The following PRKAG2 variants were observed in gnomAD, a reference collection of about 807,000 sequenced individuals.
PRKAG2 encodes the protein protein kinase AMP-activated non-catalytic subunit gamma 2, also known as 5'-AMP-activated protein kinase subunit gamma-2.
A neutral mutation model predicts 69.6 loss-of-function variants in PRKAG2; 26 were observed. The ratio of observed to expected loss-of-function variants is 0.37; its 90% CI spans 0.27 to 0.52. The LOEUF (loss-of-function observed/expected upper bound fraction) is 0.52, where lower values mean the gene tolerates loss of function less well. PRKAG2 is among the 20% of genes least tolerant of loss of function. The pLI is 0.90. For missense variants in PRKAG2, 557 were observed against 740.0 expected (o/e 0.75, Z 2.87); for synonymous variants, 293 against 285.0 (o/e 1.03, Z -0.28).
intron 3 of PRKAG2, among the ~76,000 whole-genome samples, chr7:151,773,000 A>T (rs1173436690): frequency 1.6e-4 from 2 of 12,538 alleles, no homozygotes; most frequent in African/African-American, 1.7e-3. Context: ...AAAGAAAGAA[A>T]GAAAGAAAGA....
At chr7:151,755,616 T>C (rs2075029794) in intron 3 of PRKAG2, among the ~76,000 whole-genome samples, 1 of 152,220 alleles carries the variant, frequency 6.6e-6, no homozygotes. Flanking sequence ...GCCACCTGCT[T>C]TTATAAATAC....
intron 4 of PRKAG2, among the ~76,000 whole-genome samples, chr7:151,642,838 A>C (rs1472576949): frequency 6.6e-6 from 1 of 152,236 alleles, no homozygotes; most frequent in Non-Finnish European, 1.5e-5. Flanking sequence ...TTATCTTCGA[A>C]TTTCCAAAAT....
At chr7:151,724,736 A>G (rs1475066758) in intron 3 of PRKAG2, among the ~76,000 whole-genome samples, 1 of 152,060 alleles carries the variant, frequency 6.6e-6, no homozygotes, top group African/African-American at 2.4e-5. Flanking sequence ...CCCGCCCCAC[A>G]AGTGCGGCTC....
At chr7:151,588,231 C>T (rs1242496097) in intron 6 of PRKAG2, among the ~76,000 whole-genome samples, 1 of 152,088 alleles carries the variant, frequency 6.6e-6, no homozygotes, top group Non-Finnish European at 1.5e-5. Context: ...TGTCCCCACC[C>T]AAATCTCATC....
chr7:151,673,380 G>A (rs561452105), intron 4 of PRKAG2, among the ~76,000 whole-genome samples: 13 of 152,182 alleles, frequency 8.5e-5, no homozygotes, highest in Non-Finnish European at 1.3e-4. Flanking sequence ...AGCAGGTGAC[G>A]TGCCTTGAAG....
At chr7:151,844,249 C>T (rs1051946517) in intron 1 of PRKAG2, among the ~76,000 whole-genome samples, 3 of 148,904 alleles carry the variant, frequency 2.0e-5, no homozygotes, top group African/African-American at 7.8e-5. Flanking sequence ...GCCAGTGCTC[C>T]CTCTGGGCCT....
intron 1 of PRKAG2, among the ~76,000 whole-genome samples, chr7:151,831,238 T>C (rs1190937335): frequency 6.6e-6 from 1 of 152,198 alleles, no homozygotes; most frequent in Non-Finnish European, 1.5e-5. Context: ...CTCCTAGGTA[T>C]ATTCTCAAGA....
At chr7:151,650,756 G>C (rs144409253) in intron 4 of PRKAG2, among the ~76,000 whole-genome samples, 3 of 152,182 alleles carry the variant, frequency 2.0e-5, no homozygotes, top group Non-Finnish European at 4.4e-5. Flanking sequence ...TACTCCAGGG[G>C]AGAAGGCCAG....
At chr7:151,582,007 A>G (rs1810594856) in intron 6 of PRKAG2, among the ~76,000 whole-genome samples, 1 of 152,208 alleles carries the variant, frequency 6.6e-6, no homozygotes, top group African/African-American at 2.4e-5. Flanking sequence ...GGGTAATAAT[A>G]CAGACGTTAG....
intron 5 of PRKAG2, among the ~76,000 whole-genome samples, chr7:151,608,826 A>T (rs941985257): frequency 1.3e-5 from 2 of 149,300 alleles, no homozygotes; most frequent in African/African-American, 4.9e-5. Flanking sequence ...TTAGACATGG[A>T]TTTTTTTTTT....
intron 9 of PRKAG2, 110 bp from the exon 10 acceptor site, chr7:151,570,335 A>T: frequency 7.9e-7 from 1 of 1,261,988 alleles, no homozygotes; most frequent in Non-Finnish European, 1.1e-6. Flanking sequence ...AGGATTAAAA[A>T]CTCAAATAAA....
At position 151,786,485 on chromosome 7, in the gene PRKAG2, C is replaced by T. The variant is rs2077016039; in HGVS notation, c.171G>A (p.Lys57=). 1.9e-6 allele frequency: 3 copies of T among 1,612,540 alleles called. No individual in the cohort carries two copies. The highest frequency in any genetic ancestry group is 2.5e-6 in the Non-Finnish European group (3 of 1,179,460). The change falls in exon 2 of 16, where the codon AAG becomes AAA. Residue 57 remains lysine (K), a synonymous_variant. Transcript: ENST00000287878. The stretch of plus-strand genomic sequence containing the variant: ...GAGGTCTTACCTTTCGAGAGGAATG[C>T]TTTCCGGAACCCTCCAGGTCTCCGT... The part of the protein sequence containing the change: ...LLDGDLEGSG[K]HSSRKVDSPF...
At chr7:151,868,018 G>T (rs900995880) in intron 1 of PRKAG2, among the ~76,000 whole-genome samples, 1 of 152,160 alleles carries the variant, frequency 6.6e-6, no homozygotes, top group Admixed American at 6.5e-5. Context: ...GACGCTGGGA[G>T]CCTGGGGTTA....
intron 3 of PRKAG2, among the ~76,000 whole-genome samples, chr7:151,728,276 T>C (rs1422666260): frequency 2.0e-5 from 3 of 152,116 alleles, no homozygotes; most frequent in African/African-American, 7.2e-5. Context: ...TATTTTTTTC[T>C]TCTCAATCGC....
At chr7:151,585,458 T>G (rs1187597202) in intron 6 of PRKAG2, among the ~76,000 whole-genome samples, 1 of 75,078 alleles carries the variant, frequency 1.3e-5, no homozygotes, top group Non-Finnish European at 3.0e-5. Flanking sequence ...TGAAAAACTC[T>G]CAGCCACTAG....
intron 3 of PRKAG2, among the ~76,000 whole-genome samples, chr7:151,744,025 A>G (rs1563574610): frequency 1.3e-5 from 2 of 152,200 alleles, no homozygotes; most frequent in African/African-American, 4.8e-5. Context: ...GAGATGAGGA[A>G]GGAGAGGTCA....
chr7:151,609,952 A>G (rs1230582581), intron 5 of PRKAG2, among the ~76,000 whole-genome samples: 1 of 152,160 alleles, frequency 6.6e-6, no homozygotes, highest in Non-Finnish European at 1.5e-5. Context: ...GAGCAGCACG[A>G]ACTTGCTGAC....
At position 151,780,460 on chromosome 7, in the gene PRKAG2, G is replaced by A. The variant is rs186952653; in HGVS notation, c.466+692C>T. Among the ~76,000 whole-genome samples, 27 of 152,324 alleles carry A rather than the reference G, an allele frequency of 1.8e-4. No individual in the cohort carries two copies. Among genetic ancestry groups the A allele is most frequent in the African/African-American group, 6.5e-4 (27 of 41,580 alleles). On this transcript the variant is annotated intron_variant, in intron 3 of 15. Coordinates refer to ENST00000287878, the MANE Select transcript of PRKAG2 (RefSeq NM_016203.4). This position sits in a 1 kb window ranked among gnomAD's most constrained non-coding sequence, Gnocchi z 4.2. ...TCAGTAGAAAGAACTGGAAAGAATAGACAAAGGAAAGGAGAAAGTAAACGC... is the reference window on the plus strand; with the variant it reads ...TCAGTAGAAAGAACTGGAAAGAATAAACAAAGGAAAGGAGAAAGTAAACGC...
intron 3 of PRKAG2, among the ~76,000 whole-genome samples, chr7:151,723,263 A>G (rs1225251538): frequency 6.6e-6 from 1 of 152,142 alleles, no homozygotes; most frequent in Non-Finnish European, 1.5e-5. Flanking sequence ...CATTTTTGGT[A>G]GTGCAGTGGA....
Sources: allele counts gnomAD v4.1 joint callset (sites outside exome capture counted in the v4.1 genomes callset), GRCh38; gene constraint gnomAD v4.1.1; non-coding constraint Gnocchi (gnomAD v3.1); transcripts MANE v1.5; gene names NCBI Gene and HGNC (gene_info 2026-07-23, HGNC 2026-07-21).